Variants in STK11 observed in about 807,000 individuals in gnomAD.
STK11 encodes serine/threonine kinase 11, also known as serine/threonine-protein kinase STK11.
A neutral mutation model predicts 47.3 loss-of-function variants in STK11; 8 were observed. That is an observed-to-expected ratio of 0.17 (90% CI 0.10 to 0.31). The LOEUF (loss-of-function observed/expected upper bound fraction) is 0.31. Among genes scored for constraint, STK11 ranks in the 10% least tolerant of loss-of-function variants. The pLI, the probability that STK11 is intolerant of heterozygous loss-of-function variation, is 1.00. For missense variants in STK11, 475 were observed against 605.0 expected, an observed-to-expected ratio of 0.79 and a Z score of 2.25; for synonymous variants, 330 against 255.8, an observed-to-expected ratio of 1.29 and a Z score of -2.77.
At chr19:1,213,855 A>G (rs1473370383) in intron 1 of STK11, among the ~76,000 whole-genome samples, 1 of 152,208 alleles carries the variant, frequency 6.6e-6, no homozygotes, top group African/African-American at 2.4e-5. Context: ...TGTGCCTCCC[A>G]GTCCTGCTCT....
intron 8 of STK11, 146 bp from the exon 9 acceptor site, chr19:1,226,308 G>A: frequency 2.1e-6 from 3 of 1,458,708 alleles, no homozygotes; most frequent in South Asian, 1.4e-5. Flanking sequence ...CAGCATTTCA[G>A]GCTGGATACA....
chr19:1,223,230 G>T (rs2080798719), intron 8 of STK11, 58 bp downstream of exon 8: 1 of 1,558,448 alleles, frequency 6.4e-7, no homozygotes, highest in South Asian at 1.2e-5. Context: ...TGTCCCACGG[G>T]AGCAGGGTGC....
intron 8 of STK11, chr19:1,225,678 G>A: frequency 2.0e-6 from 2 of 985,646 alleles, no homozygotes; most frequent in Non-Finnish European, 2.4e-6. Flanking sequence ...CTGGGGCTCT[G>A]CACTGGGCAC....
In STK11 at chr19:1,206,135, G is replaced by GGGGGC. The variant is rs1355913618; in HGVS notation, c.-777_-773dup. On this transcript the variant is annotated 5_prime_UTR_variant, in exon 1 of 10. An upstream open reading frame in the 5' UTR gains an earlier in-frame stop. Coordinates refer to ENST00000326873, the MANE Select transcript of STK11 (RefSeq NM_000455.5). ...CGCTCGGGCAGACGTTTGCGGGGAG[G>GGGGGC]GGGGCGCCTGCCGGGCCCCGGCGAC... 2.0e-5 allele frequency: 3 copies of GGGGGC among 148,036 alleles called. No homozygotes were observed. 9.2% of individuals were successfully genotyped at this position (148,036 alleles called of 1,614,324 possible).
intron 1 of STK11, among the ~76,000 whole-genome samples, chr19:1,208,306 A>ATTT (rs61525470): frequency 1.2e-4 from 14 of 115,958 alleles, no homozygotes; most frequent in African/African-American, 3.6e-4. Flanking sequence ...GCTCACGTAC[A>ATTT]TTTTTTTTTT....
chr19:1,227,181 T>TCACAGC, intron 9 of STK11: 1 of 158,680 alleles, frequency 6.3e-6, no homozygotes, highest in South Asian at 1.9e-4. Context: ...CTGCCTCCTC[T>TCACAGC]CCCAGCCCCA....
chr19:1,215,805 C>T (rs2080741022), intron 1 of STK11, among the ~76,000 whole-genome samples: 1 of 151,952 alleles, frequency 6.6e-6, no homozygotes, highest in Admixed American at 6.6e-5. Flanking sequence ...GGTGAGATCT[C>T]GACTCTCTGC....
Position 1,206,605 on chromosome 19 carries a change from T to A in STK11, c.-309T>A, listed in dbSNP as rs2080666890. ...GGGTCCCCGAGGACGAAGTTGACCCTGACCGGGCCGTCTCCCAGTTCTGAG... is the reference window on the plus strand; with the variant it reads ...GGGTCCCCGAGGACGAAGTTGACCCAGACCGGGCCGTCTCCCAGTTCTGAG... On this transcript the variant is annotated 5_prime_UTR_variant, in exon 1 of 10. Coordinates refer to ENST00000326873, the MANE Select transcript of STK11 (RefSeq NM_000455.5). 4 of 468,692 alleles carry A rather than the reference T, an allele frequency of 8.5e-6. No homozygotes were observed. The highest frequency in any genetic ancestry group is 1.5e-5 in the Non-Finnish European group (4 of 263,020). 29.0% of individuals were successfully genotyped at this position (468,692 alleles called of 1,614,324 possible).
chr19:1,206,797 C>G lies in STK11; in HGVS notation c.-117C>G, dbSNP rs1399961400. 1 of 1,183,204 alleles carries G rather than the reference C, an allele frequency of 8.5e-7. No homozygotes were observed. The highest frequency in any genetic ancestry group is 1.1e-6 in the Non-Finnish European group (1 of 885,346). The allele number at this position is 1,183,204 out of a possible 1,614,324, so 73.3% of individuals were successfully genotyped here. ...CCCTTCCTTTTGGGGTTTTTGTTGCCTTTTTTTTTTCTTTTTTCTTTGTAA... is the reference window on the plus strand; with the variant it reads ...CCCTTCCTTTTGGGGTTTTTGTTGCGTTTTTTTTTTCTTTTTTCTTTGTAA... On this transcript the variant is annotated 5_prime_UTR_variant, in exon 1 of 10. Coordinates refer to ENST00000326873, the MANE Select transcript of STK11 (RefSeq NM_000455.5).
chr19:1,219,264 C>T (rs924524120), intron 2 of STK11, 60 bp from the exon 3 acceptor site: 47 of 1,539,872 alleles, frequency 3.1e-5, no homozygotes, highest in African/African-American at 5.5e-5. Context: ...TTCTGGCCCC[C>T]GTGCTCCCTG....
At chr19:1,209,514 G>A (rs1327008906) in intron 1 of STK11, among the ~76,000 whole-genome samples, 1 of 152,032 alleles carries the variant, frequency 6.6e-6, no homozygotes, top group African/African-American at 2.4e-5. Context: ...CCTGGGAGGC[G>A]GAGCTTGCGG....
At chr19:1,215,541 C>T (rs2080739491) in intron 1 of STK11, among the ~76,000 whole-genome samples, 1 of 152,360 alleles carries the variant, frequency 6.6e-6, no homozygotes, top group East Asian at 1.9e-4. Flanking sequence ...ACTGGCGGCC[C>T]CTTGTCCAGG....
Position 1,227,901 on chromosome 19 carries a change from C to A in STK11, c.*325C>A. The A allele has an allele frequency of 9.3e-7, 1 of 1,069,974 alleles. No individual in the cohort carries two copies. Among genetic ancestry groups the A allele is most frequent in the Non-Finnish European group, 1.1e-6 (1 of 882,102 alleles). The allele number at this position is 1,069,974 out of a possible 1,614,324, so 66.3% of individuals were successfully genotyped here. ...AGACTACTGGCCCCGCCCGTGGCCT[C>A]GTGCTCCGCAGGGCGCCCAGCGCCG... On this transcript the variant is annotated 3_prime_UTR_variant, in exon 10 of 10. Transcript: ENST00000326873.
rs1321022266 is a variant in STK11 at position 1,213,429 on chromosome 19, TC to T, written c.291-4984del. Among the ~76,000 whole-genome samples, 11 of 152,304 alleles carry T rather than the reference TC, an allele frequency of 7.2e-5. No homozygotes were observed. In the East Asian group the frequency reaches 2.1e-3, roughly 29 times the overall value. On this transcript the variant is annotated intron_variant, in intron 1 of 9. Coordinates refer to ENST00000326873, the MANE Select transcript of STK11 (RefSeq NM_000455.5). Reference sequence around the variant, plus strand: ...AAACCCCGTCTCTGTCAGCCATCACTCCCCATTCCCTCCCCAGTCCCGGCAC... The same window carrying T: ...AAACCCCGTCTCTGTCAGCCATCACTCCCATTCCCTCCCCAGTCCCGGCAC...
chr19:1,226,076 G>A, intron 8 of STK11: 1 of 1,062,294 alleles, frequency 9.4e-7, no homozygotes, highest in Non-Finnish European at 1.1e-6. Context: ...GCGGCTCCTG[G>A]GCCTCTAGAA....
intron 1 of STK11, among the ~76,000 whole-genome samples, chr19:1,208,998 C>T (rs1021118725): frequency 1.3e-5 from 2 of 152,244 alleles, no homozygotes; most frequent in Admixed American, 6.5e-5. Flanking sequence ...TACTCTGGAG[C>T]TGGAGCAGTC....
chr19:1,209,522 C>T (rs1033832243), intron 1 of STK11, among the ~76,000 whole-genome samples: 1 of 152,030 alleles, frequency 6.6e-6, no homozygotes, highest in Non-Finnish European at 1.5e-5. Flanking sequence ...GCGGAGCTTG[C>T]GGTGACCCGA....
At chr19:1,223,619 G>T in intron 8 of STK11, 2 of 1,069,240 alleles carry the variant, frequency 1.9e-6, no homozygotes, top group Non-Finnish European at 2.3e-6. Context: ...CCCTGATGCC[G>T]GCCGCCCTTC....
intron 5 of STK11, among the ~76,000 whole-genome samples, chr19:1,221,008 T>C (rs1434365195): frequency 6.6e-6 from 1 of 152,104 alleles, no homozygotes; most frequent in Non-Finnish European, 1.5e-5. Context: ...TCCAGGCCCC[T>C]TCCCCGGGTG....
Sources: gnomAD v4.1 joint callset for allele counts (sites outside exome capture counted in the v4.1 genomes callset) on GRCh38, gnomAD v4.1.1 for gene constraint, MANE v1.5 for transcripts, NCBI Gene and HGNC (gene_info 2026-07-23, HGNC 2026-07-21) for gene names.